Variants in AGMO observed in about 807,000 individuals in gnomAD.
The protein encoded by AGMO is alkylglycerol monooxygenase.
Under a neutral mutation model 60.2 loss-of-function variants are expected in AGMO, and 75 were observed. The ratio of observed to expected loss-of-function variants is 1.25; its 90% confidence interval spans 1.03 to 1.51. The LOEUF is 1.51. AGMO is among the 40% of genes most tolerant of loss of function. The pLI is 0.00. For synonymous variants in AGMO, 261 were observed against 177.1 expected, an observed-to-expected ratio of 1.47 and a Z score of -3.76; for missense variants, 763 against 525.5, an observed-to-expected ratio of 1.45 and a Z score of -4.42.
At chr7:15,407,942 C>A (rs1784749681) in intron 5 of AGMO, among the ~76,000 whole-genome samples, 2 of 151,812 alleles carry the variant, frequency 1.3e-5, no homozygotes, top group South Asian at 4.1e-4. Context: ...AGAGCTCGTG[C>A]TCCTAACTCT....
At chr7:15,360,076 T>C (rs949075506) in intron 12 of AGMO, among the ~76,000 whole-genome samples, 2 of 152,182 alleles carry the variant, frequency 1.3e-5, no homozygotes, top group African/African-American at 4.8e-5. Context: ...TGCACGCACA[T>C]TTACAGACAT....
intron 3 of AGMO, among the ~76,000 whole-genome samples, chr7:15,523,249 TCATC>T (rs1463373210): frequency 1.3e-5 from 2 of 152,224 alleles, no homozygotes; most frequent in African/African-American, 4.8e-5. Context: ...GTAAATTAGT[TCATC>T]CATTGTGGAA....
intron 12 of AGMO, among the ~76,000 whole-genome samples, chr7:15,260,789 A>C (rs1348127114): frequency 6.6e-6 from 1 of 152,168 alleles, no homozygotes; most frequent in African/African-American, 2.4e-5. Context: ...CAGTAAATTT[A>C]AGAAAATGAA....
intron 12 of AGMO, among the ~76,000 whole-genome samples, chr7:15,240,860 G>A (rs1782568528): frequency 6.6e-6 from 1 of 151,916 alleles, no homozygotes; most frequent in African/African-American, 2.4e-5. Context: ...ACATCTAGGT[G>A]ATTTTTTTTT....
the AGMO span, among the ~76,000 whole-genome samples, chr7:15,167,531 A>G: frequency 1.3e-5 from 2 of 152,196 alleles, no homozygotes. Context: ...CACTAAAAGG[A>G]AAGAAAAAAA....
At position 15,354,446 on chromosome 7, in the gene AGMO, GTGTGTGTATA is replaced by G. The variant is rs1563105637; in HGVS notation, c.1263+11058_1263+11067del. Among the ~76,000 whole-genome samples, 81 of 19,620 alleles carry G rather than the reference GTGTGTGTATA, an allele frequency of 4.1e-3. 7 individuals carry two copies. The highest frequency in any genetic ancestry group is 0.021 in the African/African-American group (76 of 3,658). 12.9% of individuals were successfully genotyped at this position (19,620 alleles called of 152,430 possible). On this transcript the variant is annotated intron_variant, in intron 12 of 12. Transcript: ENST00000342526. Reference sequence around the variant, plus strand: ...TACACACACGTGTGTGTATACACACGTGTGTGTATACACACGTGTGTGTATACACACGTGT... The same window carrying G: ...TACACACACGTGTGTGTATACACACGCACACGTGTGTGTATACACACGTGT...
chr7:15,442,304 T>C (rs1781578856), intron 3 of AGMO, among the ~76,000 whole-genome samples: 1 of 152,218 alleles, frequency 6.6e-6, no homozygotes. Flanking sequence ...CTTTCTTCTA[T>C]GCCTTTCATG....
At chr7:15,279,671 G>C (rs190245595) in intron 12 of AGMO, among the ~76,000 whole-genome samples, 3 of 152,148 alleles carry the variant, frequency 2.0e-5, no homozygotes, top group Admixed American at 2.0e-4. Flanking sequence ...AGAAACCACA[G>C]ACCCTTTGAA....
chr7:15,120,042 T>G, the AGMO span, among the ~76,000 whole-genome samples: 1 of 152,020 alleles, frequency 6.6e-6, no homozygotes, highest in South Asian at 2.1e-4. Flanking sequence ...ATCCCATTTT[T>G]GAGTGTTTAC....
chr7:15,314,287 C>A (rs756275907), intron 12 of AGMO, among the ~76,000 whole-genome samples: 1 of 151,978 alleles, frequency 6.6e-6, no homozygotes, highest in East Asian at 1.9e-4. Flanking sequence ...TTTTGTAGCA[C>A]AGTTGATCAT....
At chr7:15,197,756 CT>C (rs1017007362), downstream of AGMO, among the ~76,000 whole-genome samples, 5 of 152,262 alleles carry the variant, frequency 3.3e-5, no homozygotes, top group African/African-American at 9.6e-5. Context: ...ATCCTGAGAA[CT>C]TTTTTTGTAT....
chr7:15,531,299 C>CTCTATATATATTCTATACATATAT (rs1784333810), intron 3 of AGMO, among the ~76,000 whole-genome samples: 9 of 77,168 alleles, frequency 1.2e-4, no homozygotes, highest in Non-Finnish European at 1.6e-4. Context: ...TAAAAATATT[C>CTCTATATATATTCTATACATATAT]TCTATATATA....
In AGMO at chr7:15,553,988, A is replaced by G. The variant is rs138789333; in HGVS notation, c.257+6153T>C. ...GTGGGAGTTATATTCCCTGCTTTCT[A>G]TTAGCAAAATTAATTTGATCCCCTT... On this transcript the variant is annotated intron_variant, in intron 2 of 12. Transcript: ENST00000342526. 6.1e-3 allele frequency among the ~76,000 whole-genome samples: 930 copies of G among 152,234 alleles called. 8 individuals are homozygous for G. Among genetic ancestry groups the G allele is most frequent in the African/African-American group, 0.021 (882 of 41,540 alleles).
intron 12 of AGMO, among the ~76,000 whole-genome samples, chr7:15,248,850 T>A (rs1413195050): frequency 6.6e-6 from 1 of 152,224 alleles, no homozygotes; most frequent in Admixed American, 6.5e-5. Context: ...AATCTGATAA[T>A]CCTTGTTTCT....
At chr7:15,454,357 CCACA>C (rs71004380) in intron 3 of AGMO, among the ~76,000 whole-genome samples, 19 of 149,132 alleles carry the variant, frequency 1.3e-4, no homozygotes, top group Non-Finnish European at 1.8e-4. Flanking sequence ...AGTGTTCTCA[CCACA>C]CACACACACA....
intron 12 of AGMO, among the ~76,000 whole-genome samples, chr7:15,339,546 A>T (rs1038717604): frequency 1.3e-5 from 2 of 152,214 alleles, no homozygotes; most frequent in African/African-American, 2.4e-5. Flanking sequence ...TTGCAACATT[A>T]TATGTCAGAA....
At chr7:15,378,254 A>G (rs1012791416) in intron 10 of AGMO, among the ~76,000 whole-genome samples, 4 of 152,036 alleles carry the variant, frequency 2.6e-5, no homozygotes, top group African/African-American at 9.7e-5. Flanking sequence ...TCTATTGTTT[A>G]AAATTTGGGT....
chr7:15,516,579 A>G (rs1472966386), intron 3 of AGMO, among the ~76,000 whole-genome samples: 1 of 152,186 alleles, frequency 6.6e-6, no homozygotes, highest in East Asian at 1.9e-4. Context: ...TTTACTATTT[A>G]CAACTTCCTT....
chr7:15,366,096 G>T (rs374734601), intron 11 of AGMO, 44 bp downstream of exon 11: 7 of 1,458,698 alleles, frequency 4.8e-6, no homozygotes, highest in African/African-American at 1.4e-5. Flanking sequence ...GAAAATTCTT[G>T]AATTGAGTAA....
Sources: gnomAD v4.1 joint callset for allele counts (sites outside exome capture counted in the v4.1 genomes callset) on GRCh38, gnomAD v4.1.1 for gene constraint, MANE v1.5 for transcripts, NCBI Gene and HGNC (gene_info 2026-07-23, HGNC 2026-07-21) for gene names.